Variants in NCALD observed in about 807,000 individuals in gnomAD.
NCALD encodes the protein neurocalcin-delta.
NCALD carries 10 observed loss-of-function variants against 18.6 expected under a neutral mutation model. The observed-to-expected ratio is 0.54, with a 90% CI of 0.33 to 0.91. The LOEUF is 0.91. NCALD is among the 40% of genes least tolerant of loss of function. The pLI is 0.03. For synonymous variants in NCALD, 88 were observed against 87.4 expected (o/e 1.01, Z -0.04); for missense variants, 184 against 247.6 (o/e 0.74, Z 1.72).
rs550037484 is a variant in NCALD, at chr8:101,824,090, AAAG to A, written c.-20+63048_-20+63050del. Among the ~76,000 whole-genome samples the A allele has an allele frequency of 4.6e-5, 7 of 152,362 alleles. No homozygotes were observed. In the South Asian group the frequency reaches 1.2e-3, roughly 27 times the overall value. On this transcript the variant is annotated intron_variant, in intron 4 of 6. Transcript: ENST00000311028. ...TCAATTGTTTCTTTGTTCTGATCTC[AAAG>A]AATAAGGGAAGAACAAAATACCTCC... is the stretch of plus-strand genomic sequence containing the variant.
chr8:102,034,247 T>A (rs1359199624), intron 1 of NCALD, among the ~76,000 whole-genome samples: 1 of 152,210 alleles, frequency 6.6e-6, no homozygotes, highest in African/African-American at 2.4e-5. Flanking sequence ...ACATGATAAA[T>A]GAGATTTTGA....
At chr8:101,971,955 T>C (rs1239414960) in intron 2 of NCALD, among the ~76,000 whole-genome samples, 1 of 152,156 alleles carries the variant, frequency 6.6e-6, no homozygotes, top group Non-Finnish European at 1.5e-5. Context: ...AGTCATGCCA[T>C]CTTCTGCAGC....
intron 1 of NCALD, chr8:102,123,753 A>G (rs999340089): frequency 4.6e-5 from 7 of 151,342 alleles, no homozygotes; most frequent in Admixed American, 2.0e-4. Flanking sequence ...CACGCCCCGC[A>G]CTCGCCTCCT....
chr8:102,019,263 A>G (rs186824676), intron 2 of NCALD, among the ~76,000 whole-genome samples: 16 of 152,164 alleles, frequency 1.1e-4, no homozygotes, highest in African/African-American at 3.9e-4. Context: ...AAAACAGAAA[A>G]CACCTTGTTT....
intron 3 of NCALD, among the ~76,000 whole-genome samples, chr8:101,911,468 C>A (rs1011215324): frequency 6.6e-6 from 1 of 151,502 alleles, no homozygotes; most frequent in East Asian, 1.9e-4. Flanking sequence ...AGTGATCCTC[C>A]CACTTCAGGC....
chr8:101,956,339 A>G (rs759748833), intron 2 of NCALD, among the ~76,000 whole-genome samples: 2 of 152,172 alleles, frequency 1.3e-5, no homozygotes, highest in African/African-American at 2.4e-5. Flanking sequence ...CTATGTTTAA[A>G]TGAATCAACT....
intron 1 of NCALD, among the ~76,000 whole-genome samples, chr8:101,781,600 G>A (rs1812014711): frequency 6.6e-6 from 1 of 152,096 alleles, no homozygotes; most frequent in South Asian, 2.1e-4. Context: ...TGACTCAACT[G>A]GTTTAAAATC....
chr8:101,706,488 A>G (rs1191148414), intron 2 of NCALD, among the ~76,000 whole-genome samples: 1 of 152,236 alleles, frequency 6.6e-6, no homozygotes, highest in Non-Finnish European at 1.5e-5. Context: ...TTGGGCTAAT[A>G]TGGTTGTTGT....
intron 1 of NCALD, among the ~76,000 whole-genome samples, chr8:101,723,488 C>T (rs761253315): frequency 1.3e-5 from 2 of 152,140 alleles, no homozygotes; most frequent in African/African-American, 4.8e-5. Context: ...AGAACTTACA[C>T]TCTCCTATAC....
chr8:102,087,639 G>A (rs553258952), intron 1 of NCALD, among the ~76,000 whole-genome samples: 1 of 152,276 alleles, frequency 6.6e-6, no homozygotes, highest in Non-Finnish European at 1.5e-5. Context: ...TTGGCACTAT[G>A]GGATGTTAAC....
intron 1 of NCALD, among the ~76,000 whole-genome samples, chr8:101,723,820 G>A (rs1037977599): frequency 4.6e-5 from 7 of 152,026 alleles, no homozygotes; most frequent in African/African-American, 1.7e-4. Context: ...AGTTATCTTA[G>A]GGGCCTTACC....
intron 2 of NCALD, among the ~76,000 whole-genome samples, chr8:101,986,144 C>A (rs1490725036): frequency 2.6e-5 from 4 of 152,120 alleles, no homozygotes; most frequent in African/African-American, 9.7e-5. Context: ...GATTCTCCTG[C>A]CTCAGCCTCC....
intron 1 of NCALD, among the ~76,000 whole-genome samples, chr8:102,106,445 GTATATA>G (rs369201039): frequency 2.5e-4 from 33 of 132,724 alleles, no homozygotes; most frequent in Non-Finnish European, 4.0e-4. Context: ...TTAGCATATA[GTATATA>G]TATATATATA....
intron 3 of NCALD, among the ~76,000 whole-genome samples, chr8:101,915,212 A>C (rs988354137): frequency 1.3e-5 from 2 of 152,204 alleles, no homozygotes; most frequent in African/African-American, 4.8e-5. Flanking sequence ...AATTGAACCC[A>C]AGTATCTGGA....
At chr8:101,731,014 T>A (rs1331211786) in intron 1 of NCALD, among the ~76,000 whole-genome samples, 2 of 151,594 alleles carry the variant, frequency 1.3e-5, no homozygotes, top group East Asian at 1.9e-4. Flanking sequence ...TGAACGGGTG[T>A]CGGAGTTTTG....
At chr8:102,001,797 A>G (rs1430351749) in intron 2 of NCALD, among the ~76,000 whole-genome samples, 1 of 152,224 alleles carries the variant, frequency 6.6e-6, no homozygotes, top group African/African-American at 2.4e-5. Flanking sequence ...GTGAAGGAGA[A>G]ATAAAATACT....
intron 3 of NCALD, among the ~76,000 whole-genome samples, chr8:101,900,082 T>G (rs1345624449): frequency 1.3e-5 from 2 of 151,926 alleles, no homozygotes; most frequent in African/African-American, 4.8e-5. Context: ...TTTTATATTG[T>G]ATGAATTGTG....
rs904110213 is a variant in NCALD at position 102,010,788 on chromosome 8, T to C, written c.-157+9449A>G. Among the ~76,000 whole-genome samples the C allele has an allele frequency of 5.3e-5, 8 of 152,208 alleles. 1 individual carries two copies. Among genetic ancestry groups the C allele is most frequent in the African/African-American group, 1.7e-4 (7 of 41,456 alleles). On this transcript the variant is annotated intron_variant, in intron 2 of 6. Coordinates refer to the NCALD transcript ENST00000311028. ...TTAAAAGTAATGAACAATTATCAGG[T>C]GATGGGGACTTCCTCTTCTTCATTG...
In NCALD at chr8:101,913,602, G is replaced by A. The variant is rs536620075; in HGVS notation, c.-107+2207C>T. The stretch of plus-strand genomic sequence containing the variant: ...AACTGTTTTGTTTTGCTTGTTTTGG[G>A]ACAGAGTTTCGCTCTTGTTGCCCAG... On this transcript the variant is annotated intron_variant, in intron 3 of 6. Transcript: ENST00000311028. 7.2e-5 allele frequency among the ~76,000 whole-genome samples: 11 copies of A among 152,112 alleles called. No homozygotes were observed. The South Asian group carries it at 2.3e-3, about 32-fold the overall frequency.
Sources: allele counts gnomAD v4.1 joint callset (sites outside exome capture counted in the v4.1 genomes callset), GRCh38; gene constraint gnomAD v4.1.1; transcripts MANE v1.5; gene names NCBI Gene and HGNC (gene_info 2026-07-23, HGNC 2026-07-21).